The following DMRT1 variants were observed in gnomAD, a reference collection of about 807,000 sequenced individuals.
The protein encoded by DMRT1 is doublesex- and mab-3-related transcription factor 1.
DMRT1 carries 7 observed loss-of-function variants against 32.3 expected under a neutral mutation model. The observed-to-expected ratio is 0.22, with a 90% confidence interval of 0.12 to 0.41. DMRT1 has a LOEUF of 0.41. Among genes scored for constraint, DMRT1 ranks in the 10% least tolerant of loss-of-function variants. The pLI is 1.00. For synonymous variants in DMRT1, 278 were observed against 206.1 expected, an observed-to-expected ratio of 1.35 and a Z score of -2.99; for missense variants, 625 against 500.5, an observed-to-expected ratio of 1.25 and a Z score of -2.37.
chr9:912,101 G>A (rs1818011155), intron 3 of DMRT1, among the ~76,000 whole-genome samples: 1 of 152,240 alleles, frequency 6.6e-6, no homozygotes, highest in East Asian at 1.9e-4. Context: ...CGAAGAAGAA[G>A]CAGGCACCTT....
intron 4 of DMRT1, among the ~76,000 whole-genome samples, chr9:930,617 C>T (rs2129855688): frequency 1.3e-5 from 2 of 152,080 alleles, no homozygotes; most frequent in Admixed American, 1.3e-4. Context: ...ACCATGTTAG[C>T]CAGGATGGTC....
At chr9:890,837 C>T (rs1817117904) in intron 2 of DMRT1, among the ~76,000 whole-genome samples, 1 of 152,190 alleles carries the variant, frequency 6.6e-6, no homozygotes, top group Non-Finnish European at 1.5e-5. Flanking sequence ...GCCTCATCCT[C>T]TGCAGTAGCT....
intron 4 of DMRT1, among the ~76,000 whole-genome samples, chr9:958,660 G>A (rs1470620256): frequency 6.6e-6 from 1 of 152,148 alleles, no homozygotes; most frequent in Non-Finnish European, 1.5e-5. Flanking sequence ...GAGCCACCAC[G>A]CCTGGTCCAG....
intron 2 of DMRT1, among the ~76,000 whole-genome samples, chr9:889,143 G>A (rs1817046528): frequency 6.6e-6 from 1 of 152,102 alleles, no homozygotes; most frequent in Non-Finnish European, 1.5e-5. Context: ...CATTGGATTA[G>A]ACACATGTAG....
intron 4 of DMRT1, among the ~76,000 whole-genome samples, chr9:963,625 T>A (rs1388459691): frequency 6.6e-6 from 1 of 152,228 alleles, no homozygotes; most frequent in African/African-American, 2.4e-5. Flanking sequence ...TCCCTTGTTC[T>A]GAGTGCCAAG....
chr9:910,485 C>T (rs6477367), intron 3 of DMRT1, among the ~76,000 whole-genome samples: 139,283 of 152,086 alleles, frequency 0.92, 63,926 homozygotes, highest in African/African-American at 0.96. Flanking sequence ...CTCATCTAAA[C>T]TGTTACTAGA....
chr9:896,135 C>CT (rs897430765), intron 3 of DMRT1, among the ~76,000 whole-genome samples: 40 of 146,328 alleles, frequency 2.7e-4, no homozygotes, highest in South Asian at 2.6e-3. Context: ...TGCCCAACAT[C>CT]TTTTTTTTTT....
rs1890837 is a variant in DMRT1 at position 965,196 on chromosome 9, C to T, written c.968-2789C>T. 0.19 allele frequency among the ~76,000 whole-genome samples: 28,402 copies of T among 152,116 alleles called. 3,172 individuals carry two copies. Among genetic ancestry groups the T allele is most frequent in the East Asian group, 0.31 (1,599 of 5,162 alleles). On this transcript the variant is annotated intron_variant, in intron 4 of 4. Transcript: ENST00000382276. This position sits in a 1 kb window ranked among gnomAD's most constrained non-coding sequence, Gnocchi z 4.5. Reference sequence around the variant, plus strand: ...AAACACACTAAATCTTTTCACGTACCTAGAACTCTATGAGGGGCTATACTT... The same window carrying T: ...AAACACACTAAATCTTTTCACGTACTTAGAACTCTATGAGGGGCTATACTT...
chr9:847,841 A>C (rs943158567), intron 2 of DMRT1, among the ~76,000 whole-genome samples: 4 of 152,198 alleles, frequency 2.6e-5, no homozygotes, highest in Admixed American at 6.6e-5. Flanking sequence ...TTTAAATTTA[A>C]ATTCATTACA....
intron 2 of DMRT1, among the ~76,000 whole-genome samples, chr9:858,801 G>A (rs898677653): frequency 3.5e-4 from 52 of 150,400 alleles, no homozygotes; most frequent in Admixed American, 3.5e-3. Context: ...TTGAACCTGG[G>A]AGTCGGAGGT....
At chr9:898,906 A>T (rs1298670936) in intron 3 of DMRT1, among the ~76,000 whole-genome samples, 4 of 152,192 alleles carry the variant, frequency 2.6e-5, no homozygotes, top group African/African-American at 7.2e-5. Flanking sequence ...ACAGCCCATG[A>T]ACATGGAATA....
chr9:872,101 A>C (rs541078515), intron 2 of DMRT1, among the ~76,000 whole-genome samples: 6 of 151,322 alleles, frequency 4.0e-5, no homozygotes, highest in Admixed American at 3.3e-4. Context: ...TCACTCTGTC[A>C]CCCAGGCTGG....
At chr9:895,906 G>A (rs1817339321) in intron 3 of DMRT1, among the ~76,000 whole-genome samples, 1 of 150,050 alleles carries the variant, frequency 6.7e-6, no homozygotes, top group Admixed American at 6.7e-5. Flanking sequence ...CCGGGTTCAA[G>A]CCATTCTCCT....
chr9:854,217 A>C (rs58580362), intron 2 of DMRT1, among the ~76,000 whole-genome samples: 1 of 151,838 alleles, frequency 6.6e-6, no homozygotes, highest in Non-Finnish European at 1.5e-5. Flanking sequence ...CCTGGACTCA[A>C]GTAATCCTCC....
chr9:899,768 T>C (rs969522976), intron 3 of DMRT1, among the ~76,000 whole-genome samples: 4 of 152,244 alleles, frequency 2.6e-5, no homozygotes, highest in African/African-American at 9.6e-5. Flanking sequence ...GAGAGGTGCG[T>C]ATCGAGTGAG....
intron 2 of DMRT1, among the ~76,000 whole-genome samples, chr9:888,916 C>T (rs1438530099): frequency 6.6e-6 from 1 of 150,904 alleles, no homozygotes; most frequent in Non-Finnish European, 1.5e-5. Flanking sequence ...ATCTTGAGCC[C>T]AGGAGTTTGA....
At chr9:844,417 ATATGGAG>A (rs1400768460) in intron 1 of DMRT1, among the ~76,000 whole-genome samples, 2 of 140,944 alleles carry the variant, frequency 1.4e-5, no homozygotes, top group African/African-American at 6.5e-5. Flanking sequence ...GGTCCTTAGC[ATATGGAG>A]TAGATACCTG....
rs72699266 is a variant in DMRT1, at chr9:900,000, C to T, written c.822+5805C>T. 3.3e-3 allele frequency among the ~76,000 whole-genome samples: 501 copies of T among 152,334 alleles called. 1 individual carries two copies. The highest frequency in any genetic ancestry group is 5.7e-3 in the Non-Finnish European group (388 of 68,036). On this transcript the variant is annotated intron_variant, in intron 3 of 4. Coordinates refer to ENST00000382276, the MANE Select transcript of DMRT1 (RefSeq NM_021951.3). The stretch of plus-strand genomic sequence containing the variant: ...GAAGTGTTTTATGGTTGTCCATTGA[C>T]GATAAGGCACCTCGAAGGAATGCAT...
At chr9:938,539 G>T (rs777371847) in intron 4 of DMRT1, among the ~76,000 whole-genome samples, 42 of 152,140 alleles carry the variant, frequency 2.8e-4, no homozygotes, top group Non-Finnish European at 4.9e-4. Context: ...ATTGTAAATA[G>T]AATTTCTTAA....
Sources: allele counts gnomAD v4.1 joint callset (sites outside exome capture counted in the v4.1 genomes callset), GRCh38; gene constraint gnomAD v4.1.1; non-coding constraint Gnocchi (gnomAD v3.1); transcripts MANE v1.5; gene names NCBI Gene and HGNC (gene_info 2026-07-23, HGNC 2026-07-21).